Variants in PLOD2 observed in about 807,000 individuals in gnomAD.
The protein encoded by PLOD2 is procollagen-lysine,2-oxoglutarate 5-dioxygenase 2.
PLOD2 carries 65 observed loss-of-function variants against 101.0 expected under a neutral mutation model. The observed-to-expected ratio is 0.64, with a 90% CI of 0.53 to 0.79. The LOEUF is 0.79. PLOD2 is among the 30% of genes least tolerant of loss of function. PLOD2 has a pLI of 0.00. For missense variants in PLOD2, 909 were observed against 914.6 expected (o/e 0.99, Z 0.08); for synonymous variants, 314 against 302.9 (o/e 1.04, Z -0.38).
At chr3:146,111,312 C>T (rs1456059020) in intron 3 of PLOD2, among the ~76,000 whole-genome samples, 5 of 152,130 alleles carry the variant, frequency 3.3e-5, no homozygotes, top group Non-Finnish European at 7.4e-5. Flanking sequence ...AGGTAGCTAA[C>T]AGCATAATTG....
chr3:146,088,001 G>GGTT (rs1253002169), intron 9 of PLOD2, among the ~76,000 whole-genome samples: 11 of 151,660 alleles, frequency 7.3e-5, no homozygotes, highest in Non-Finnish European at 1.6e-4. Context: ...TCTAGACAAT[G>GGTT]TTAAATACCA....
intron 11 of PLOD2, among the ~76,000 whole-genome samples, chr3:146,084,798 C>G (rs1248878268): frequency 1.3e-5 from 2 of 152,032 alleles, no homozygotes; most frequent in African/African-American, 4.8e-5. Flanking sequence ...CTAAGGACTA[C>G]AACTCTGTAT....
intron 6 of PLOD2, among the ~76,000 whole-genome samples, chr3:146,104,009 C>CT (rs1223687379): frequency 6.6e-6 from 1 of 152,092 alleles, no homozygotes; most frequent in African/African-American, 2.4e-5. Flanking sequence ...AATTTATAAA[C>CT]TTATCTAAAA....
At chr3:146,092,578 C>T (rs1937011423) in intron 7 of PLOD2, among the ~76,000 whole-genome samples, 1 of 152,058 alleles carries the variant, frequency 6.6e-6, no homozygotes, top group South Asian at 2.1e-4. Flanking sequence ...TATTATTTCT[C>T]TACCCATTTT....
intron 15 of PLOD2, among the ~76,000 whole-genome samples, chr3:146,073,815 G>A (rs866955789): frequency 5.3e-5 from 8 of 151,446 alleles, no homozygotes; most frequent in Middle Eastern, 3.2e-3. Flanking sequence ...AAAGGTAAAA[G>A]ACAAGGAGCA....
intron 14 of PLOD2, 142 bp downstream of exon 14, chr3:146,077,720 G>C: frequency 1.8e-6 from 1 of 569,542 alleles, no homozygotes; most frequent in Non-Finnish European, 3.1e-6. Flanking sequence ...CACAAAACAC[G>C]CAAACACACA....
At chr3:146,134,861 A>G (rs568893204) in intron 1 of PLOD2, among the ~76,000 whole-genome samples, 2 of 152,328 alleles carry the variant, frequency 1.3e-5, no homozygotes, top group Admixed American at 6.5e-5. Context: ...GAATCAAGAT[A>G]ACATTTTATT....
chr3:146,088,886 GC>G (rs1317951987), intron 8 of PLOD2, 175 bp from the exon 9 acceptor site: 2 of 588,280 alleles, frequency 3.4e-6, no homozygotes, highest in African/African-American at 1.9e-5. Context: ...AATTTTTGTG[GC>G]CCCCCCAATC....
At position 146,110,564 on chromosome 3, in the gene PLOD2, C is replaced by T. The variant is rs189227953; in HGVS notation, c.339-116G>A. On this transcript the variant is annotated intron_variant, in intron 3 of 19. Coordinates refer to ENST00000282903, the MANE Select transcript of PLOD2 (RefSeq NM_182943.3). Reference sequence around the variant, plus strand: ...CAAGAATACAATGCAAGATTAATACCTGTGCCAACTATTTACACAGAACAC... The same window carrying T: ...CAAGAATACAATGCAAGATTAATACTTGTGCCAACTATTTACACAGAACAC... The T allele has an allele frequency of 2.2e-3, 1,591 of 728,646 alleles. 2 individuals carry two copies. The highest frequency in any genetic ancestry group is 3.3e-3 in the Non-Finnish European group (1,453 of 445,910). 45.1% of individuals were successfully genotyped at this position (728,646 alleles called of 1,614,324 possible).
intron 3 of PLOD2, among the ~76,000 whole-genome samples, chr3:146,112,956 C>A (rs1410136433): frequency 6.6e-6 from 1 of 151,528 alleles, no homozygotes; most frequent in Non-Finnish European, 1.5e-5. Context: ...CACATATATC[C>A]CAGAACTTGA....
intron 2 of PLOD2, 72 bp from the exon 3 acceptor site, chr3:146,121,320 C>T (rs1576610998): frequency 1.6e-6 from 2 of 1,276,118 alleles, no homozygotes; most frequent in Non-Finnish European, 2.3e-6. Flanking sequence ...AACTTAAAGA[C>T]ATCATCAACT....
At chr3:146,108,416 C>T (rs1475157221) in intron 4 of PLOD2, among the ~76,000 whole-genome samples, 1 of 152,148 alleles carries the variant, frequency 6.6e-6, no homozygotes, top group Non-Finnish European at 1.5e-5. Flanking sequence ...CACCTGGGCT[C>T]AAGTCACCTT....
chr3:146,077,158 A>G, intron 14 of PLOD2: 2 of 1,101,014 alleles, frequency 1.8e-6, no homozygotes, highest in East Asian at 6.6e-5. Flanking sequence ...TCCCTTTCTC[A>G]TTGATCCTAG....
intron 1 of PLOD2, among the ~76,000 whole-genome samples, chr3:146,133,038 T>C (rs566919014): frequency 5.3e-5 from 8 of 152,136 alleles, no homozygotes; most frequent in African/African-American, 1.7e-4. Flanking sequence ...TAGCCGGGTG[T>C]GGTGGCTGGC....
chr3:146,070,682 C>T lies in PLOD2; in HGVS notation c.*35G>A. ...GACGTGTTCATGCCAGTCATTCATCCAAAATAAATTTCAATTCAATGAAAA... is the reference window on the plus strand; with the variant it reads ...GACGTGTTCATGCCAGTCATTCATCTAAAATAAATTTCAATTCAATGAAAA... On this transcript the variant is annotated 3_prime_UTR_variant, in exon 20 of 20. Coordinates refer to ENST00000282903, the MANE Select transcript of PLOD2 (RefSeq NM_182943.3). 6.8e-7 allele frequency: 1 copy of T among 1,469,480 alleles called. No homozygotes were observed. Among genetic ancestry groups the T allele is most frequent in the Non-Finnish European group, 9.5e-7 (1 of 1,052,914 alleles). 91.0% of individuals were successfully genotyped at this position (1,469,480 alleles called of 1,614,324 possible).
intron 1 of PLOD2, among the ~76,000 whole-genome samples, chr3:146,128,572 G>C (rs148341166): frequency 9.4e-4 from 143 of 152,128 alleles, no homozygotes; most frequent in African/African-American, 3.3e-3. Flanking sequence ...TTTGTTAAAT[G>C]GCTGTATATT....
At chr3:146,091,293 C>T (rs1041909854) in intron 8 of PLOD2, among the ~76,000 whole-genome samples, 7 of 151,872 alleles carry the variant, frequency 4.6e-5, no homozygotes, top group African/African-American at 1.7e-4. Context: ...CATTTATGCA[C>T]CTCAGTTTTC....
intron 1 of PLOD2, among the ~76,000 whole-genome samples, chr3:146,148,338 G>GCACGCACACA (rs1553742438): frequency 2.3e-4 from 34 of 146,444 alleles, no homozygotes; most frequent in African/African-American, 6.1e-4. Flanking sequence ...AGGCAGGCAC[G>GCACGCACACA]CACACACACA....
intron 1 of PLOD2, among the ~76,000 whole-genome samples, chr3:146,147,152 T>C (rs1235109020): frequency 6.6e-6 from 1 of 152,172 alleles, no homozygotes. Context: ...AAATCACAGA[T>C]TATATATTTG....
Sources: gnomAD v4.1 joint callset for allele counts (sites outside exome capture counted in the v4.1 genomes callset) on GRCh38, gnomAD v4.1.1 for gene constraint, MANE v1.5 for transcripts, NCBI Gene and HGNC (gene_info 2026-07-23, HGNC 2026-07-21) for gene names.